Variants in XKR4 observed in about 807,000 individuals in gnomAD.
XKR4 encodes the protein XK-related protein 4.
XKR4 carries 12 observed loss-of-function variants against 53.9 expected under a neutral mutation model. The observed-to-expected ratio is 0.22, with a 90% CI of 0.14 to 0.36. The LOEUF (loss-of-function observed/expected upper bound fraction) is 0.36, where lower values mean the gene tolerates loss of function less well. Among genes scored for constraint, XKR4 ranks in the 10% least tolerant of loss-of-function variants. The probability of loss-of-function intolerance (pLI) is 1.00; values close to 1 mark genes in which losing one functional copy is unlikely to be tolerated. For missense variants in XKR4, 799 were observed against 859.5 expected (o/e 0.93, Z 0.88); for synonymous variants, 354 against 362.4 (o/e 0.98, Z 0.26).
At chr8:55,502,011 C>T (rs1320021211) in intron 2 of XKR4, among the ~76,000 whole-genome samples, 2 of 151,986 alleles carry the variant, frequency 1.3e-5, no homozygotes, top group South Asian at 2.1e-4. Flanking sequence ...TACAATACAG[C>T]GTAAATGCTA....
chr8:55,398,029 AT>A, intron 2 of XKR4, among the ~76,000 whole-genome samples: 1 of 152,208 alleles, frequency 6.6e-6, no homozygotes, highest in Non-Finnish European at 1.5e-5. Context: ...GTGAAAATCT[AT>A]CTAGTCTTTT....
intron 2 of XKR4, among the ~76,000 whole-genome samples, chr8:55,374,018 G>C (rs1306914266): frequency 6.6e-6 from 1 of 152,080 alleles, no homozygotes; most frequent in South Asian, 2.1e-4. Flanking sequence ...GGCCAAGTGC[G>C]GTAGCACAGC....
intron 1 of XKR4, among the ~76,000 whole-genome samples, chr8:55,277,011 C>T (rs1818774161): frequency 6.6e-6 from 1 of 152,134 alleles, no homozygotes; most frequent in Admixed American, 6.5e-5. Context: ...GTTTCATCAG[C>T]TGTGTTTGTG....
chr8:55,377,932 G>T (rs147144115), intron 2 of XKR4, among the ~76,000 whole-genome samples: 1 of 152,336 alleles, frequency 6.6e-6, no homozygotes, highest in African/African-American at 2.4e-5. Context: ...CTCATAAAGA[G>T]AATTTGTGAG....
chr8:55,242,719 C>T (rs559826254), intron 1 of XKR4, among the ~76,000 whole-genome samples: 1 of 151,964 alleles, frequency 6.6e-6, no homozygotes, highest in Non-Finnish European at 1.5e-5. Flanking sequence ...TAGCCCCTGG[C>T]TTTAGAAGGC....
At chr8:55,484,090 G>T (rs143012776) in intron 2 of XKR4, among the ~76,000 whole-genome samples, 67 of 152,162 alleles carry the variant, frequency 4.4e-4, no homozygotes, top group Non-Finnish European at 4.7e-4. Context: ...TAGGTGAAAC[G>T]AACCAATTCC....
At chr8:55,138,017 A>G (rs547482997) in intron 1 of XKR4, among the ~76,000 whole-genome samples, 11 of 152,112 alleles carry the variant, frequency 7.2e-5, no homozygotes, top group African/African-American at 2.7e-4. Context: ...GGCTGTTTTT[A>G]CATGTCTAAT....
chr8:55,362,454 C>CA (rs530088754), intron 2 of XKR4, among the ~76,000 whole-genome samples: 1 of 152,134 alleles, frequency 6.6e-6, no homozygotes, highest in Non-Finnish European at 1.5e-5. Flanking sequence ...ACAATAAAAT[C>CA]AAGCAGGTCA....
At chr8:55,132,920 TGA>T (rs367778891) in intron 1 of XKR4, among the ~76,000 whole-genome samples, 152 of 152,258 alleles carry the variant, frequency 1.0e-3, no homozygotes, top group African/African-American at 3.5e-3. Context: ...CTCCGATTTG[TGA>T]GGACAGCTGG....
At chr8:55,478,726 C>CA (rs984301770) in intron 2 of XKR4, among the ~76,000 whole-genome samples, 1 of 151,644 alleles carries the variant, frequency 6.6e-6, no homozygotes, top group Admixed American at 6.6e-5. Flanking sequence ...AAATGGAAAA[C>CA]AAAAAAAGGC....
chr8:55,454,761 A>G (rs1805531709), intron 2 of XKR4: 1 of 781,820 alleles, frequency 1.3e-6, no homozygotes, highest in Non-Finnish European at 2.3e-6. Context: ...GTCGCGACAC[A>G]GGTACCAGCG....
chr8:55,161,913 C>T (rs1274546131), intron 1 of XKR4, among the ~76,000 whole-genome samples: 1 of 152,216 alleles, frequency 6.6e-6, no homozygotes, highest in African/African-American at 2.4e-5. Context: ...CTGGCCTGTG[C>T]ATTTTCTGCA....
chr8:55,245,931 C>CTAAA (rs200567701), intron 1 of XKR4, among the ~76,000 whole-genome samples: 17 of 152,182 alleles, frequency 1.1e-4, no homozygotes, highest in East Asian at 7.7e-4. Context: ...CCTGTCTCTA[C>CTAAA]TAAATAAATA....
At chr8:55,222,240 T>C (rs927787640) in intron 1 of XKR4, among the ~76,000 whole-genome samples, 2 of 152,218 alleles carry the variant, frequency 1.3e-5, no homozygotes, top group Non-Finnish European at 2.9e-5. Flanking sequence ...TTTAATGAAA[T>C]ACTCACCTTT....
At position 55,166,199 on chromosome 8, in the gene XKR4, A is replaced by G. The variant is rs996630142; in HGVS notation, c.806+62905A>G. On this transcript the variant is annotated intron_variant, in intron 1 of 2. Coordinates refer to ENST00000327381, the MANE Select transcript of XKR4 (RefSeq NM_052898.2). Reference sequence around the variant, plus strand: ...CAGCAATAAAAAATTGCTCAATTCAACTGTATCTATTATATTTGGTTATAG... The same window carrying G: ...CAGCAATAAAAAATTGCTCAATTCAGCTGTATCTATTATATTTGGTTATAG... Among the ~76,000 whole-genome samples the G allele has an allele frequency of 5.5e-4, 84 of 152,164 alleles. 1 individual carries two copies. The highest frequency in any genetic ancestry group is 7.9e-4 in the Admixed American group (12 of 15,274).
intron 1 of XKR4, among the ~76,000 whole-genome samples, chr8:55,286,885 C>T (rs1818913946): frequency 6.6e-6 from 1 of 152,090 alleles, no homozygotes; most frequent in Non-Finnish European, 1.5e-5. Flanking sequence ...GGTCTACTTT[C>T]TAATGAAAGA....
intron 1 of XKR4, among the ~76,000 whole-genome samples, chr8:55,153,531 TA>T (rs1816866141): frequency 6.6e-6 from 1 of 152,220 alleles, no homozygotes; most frequent in African/African-American, 2.4e-5. Context: ...ATGTGTCCAC[TA>T]CAATGATAAA....
At chr8:55,313,012 G>C (rs1819409230) in intron 1 of XKR4, among the ~76,000 whole-genome samples, 2 of 152,072 alleles carry the variant, frequency 1.3e-5, no homozygotes. Context: ...ACAGTTGTTT[G>C]GTTACATTAT....
intron 1 of XKR4, among the ~76,000 whole-genome samples, chr8:55,336,560 G>A (rs954916259): frequency 2.0e-5 from 3 of 152,086 alleles, no homozygotes; most frequent in Non-Finnish European, 4.4e-5. Flanking sequence ...TTATCACTGG[G>A]AAAAGCTGAG....
Sources: allele counts gnomAD v4.1 joint callset (sites outside exome capture counted in the v4.1 genomes callset), GRCh38; gene constraint gnomAD v4.1.1; transcripts MANE v1.5; gene names NCBI Gene and HGNC (gene_info 2026-07-23, HGNC 2026-07-21).